HSD17B12: variants seen among roughly 807,000 people sequenced by gnomAD.
The protein encoded by HSD17B12 is hydroxysteroid 17-beta dehydrogenase 12.
In HSD17B12, 32 loss-of-function variants were observed where a neutral mutation model predicts 39.3. That is an observed-to-expected ratio of 0.81 (90% CI 0.61 to 1.09). The LOEUF is 1.09. Ranked by LOEUF, HSD17B12 falls within the 50% of genes least tolerant of loss-of-function variation. The probability of loss-of-function intolerance (pLI) is 0.00; values close to 1 mark genes in which losing one functional copy is unlikely to be tolerated. For synonymous variants in HSD17B12, 150 were observed against 146.7 expected, an observed-to-expected ratio of 1.02 and a Z score of -0.16; for missense variants, 342 against 382.9, an observed-to-expected ratio of 0.89 and a Z score of 0.89.
At chr11:43,577,192 C>T in the HSD17B12 span, among the ~76,000 whole-genome samples, 1 of 152,194 alleles carries the variant, frequency 6.6e-6, no homozygotes, top group Non-Finnish European at 1.5e-5. Context: ...CCTTGGTCCT[C>T]AGTGAGTTCA....
intron 1 of HSD17B12, among the ~76,000 whole-genome samples, chr11:43,686,727 G>A (rs1949803816): frequency 6.6e-6 from 1 of 151,422 alleles, no homozygotes; most frequent in Non-Finnish European, 1.5e-5. Context: ...TAGGCTTATT[G>A]TGAAGGGTAA....
chr11:43,616,413 A>AAAAC, the HSD17B12 span, among the ~76,000 whole-genome samples: 1 of 134,818 alleles, frequency 7.4e-6, no homozygotes, highest in Non-Finnish European at 1.5e-5. Flanking sequence ...CATCTAAAAA[A>AAAAC]AAAACAAAAA....
intron 3 of HSD17B12, among the ~76,000 whole-genome samples, chr11:43,782,674 C>CAA (rs35805476): frequency 0.029 from 3,061 of 104,208 alleles, 53 homozygotes; most frequent in Non-Finnish European, 0.04. Flanking sequence ...GACTCTGTCT[C>CAA]AAAAAAAAAA....
At chr11:43,667,661 A>T in the HSD17B12 span, among the ~76,000 whole-genome samples, 1 of 152,210 alleles carries the variant, frequency 6.6e-6, no homozygotes, top group East Asian at 1.9e-4. Flanking sequence ...AAATTCATTC[A>T]TGTTTCATAT....
At chr11:43,615,472 G>C in the HSD17B12 span, among the ~76,000 whole-genome samples, 5 of 152,078 alleles carry the variant, frequency 3.3e-5, no homozygotes, top group Non-Finnish European at 7.4e-5. Context: ...CTTTCTCTCT[G>C]GTGCCCAATA....
At chr11:43,723,682 G>A (rs931037477) in intron 1 of HSD17B12, among the ~76,000 whole-genome samples, 3 of 152,090 alleles carry the variant, frequency 2.0e-5, no homozygotes, top group South Asian at 4.1e-4. Context: ...CTAACAAAAC[G>A]TTCAGTTTTT....
At chr11:43,765,864 C>A (rs1466101496) in intron 3 of HSD17B12, among the ~76,000 whole-genome samples, 2 of 152,160 alleles carry the variant, frequency 1.3e-5, no homozygotes, top group Non-Finnish European at 2.9e-5. Flanking sequence ...GACGGAGTCT[C>A]ACTCTTTTGC....
intron 4 of HSD17B12, among the ~76,000 whole-genome samples, chr11:43,814,198 G>A (rs1951100022): frequency 6.6e-6 from 1 of 151,824 alleles, no homozygotes; most frequent in Non-Finnish European, 1.5e-5. Flanking sequence ...CTGGATAAAG[G>A]TGTGTGAAGG....
the HSD17B12 span, among the ~76,000 whole-genome samples, chr11:43,660,945 C>T: frequency 3.3e-5 from 5 of 151,992 alleles, no homozygotes; most frequent in African/African-American, 9.7e-5. Context: ...ACCAACATGG[C>T]GAAACCCCGT....
At chr11:43,600,932 C>T in the HSD17B12 span, among the ~76,000 whole-genome samples, 9 of 151,558 alleles carry the variant, frequency 5.9e-5, no homozygotes, top group South Asian at 2.1e-4. Context: ...TTAAAGATAC[C>T]GGTTGTTATT....
the HSD17B12 span, among the ~76,000 whole-genome samples, chr11:43,577,805 C>T: frequency 6.6e-6 from 1 of 152,182 alleles, no homozygotes; most frequent in Non-Finnish European, 1.5e-5. Context: ...GGGAACATCG[C>T]GGGGCGCCTT....
At chr11:43,582,180 G>T in the HSD17B12 span, among the ~76,000 whole-genome samples, 6 of 152,302 alleles carry the variant, frequency 3.9e-5, no homozygotes, top group Admixed American at 2.0e-4. Context: ...AGCACGGAAG[G>T]GGGTAAAACA....
At chr11:43,590,574 G>A in the HSD17B12 span, among the ~76,000 whole-genome samples, 1 of 124,432 alleles carries the variant, frequency 8.0e-6, no homozygotes, top group Admixed American at 1.0e-4. Context: ...CTGCGATCTT[G>A]GGTCACTGCA....
At chr11:43,603,073 A>G in the HSD17B12 span, among the ~76,000 whole-genome samples, 5 of 152,240 alleles carry the variant, frequency 3.3e-5, no homozygotes, top group East Asian at 5.8e-4. Flanking sequence ...AATGTTGCAG[A>G]ATAGTTGCAC....
At chr11:43,680,692 G>A, upstream of HSD17B12, 1 of 774,114 alleles carries the variant, frequency 1.3e-6, no homozygotes, top group East Asian at 2.5e-5. Flanking sequence ...ATGGCCCCGC[G>A]GGCGGGGTTT....
the HSD17B12 span, chr11:43,641,003 ATTCTTTTAAAGGTGAAACTTTTC>A: frequency 6.6e-6 from 1 of 151,862 alleles, no homozygotes; most frequent in African/African-American, 2.4e-5. Flanking sequence ...TTTTTTGGAT[ATTCTTTTAAAGGTGAAACTTTTC>A]TTCTTTAGGT....
At chr11:43,688,039 A>G (rs529528149) in intron 1 of HSD17B12, among the ~76,000 whole-genome samples, 4 of 152,156 alleles carry the variant, frequency 2.6e-5, no homozygotes, top group African/African-American at 4.8e-5. Flanking sequence ...TGGCAAAACC[A>G]CATCTCTACT....
chr11:43,748,741 C>T (rs1950439352), intron 1 of HSD17B12, among the ~76,000 whole-genome samples: 1 of 152,086 alleles, frequency 6.6e-6, no homozygotes, highest in South Asian at 2.1e-4. Flanking sequence ...CTAATGTTTC[C>T]TATAAACAGG....
At chr11:43,613,119 C>A in the HSD17B12 span, among the ~76,000 whole-genome samples, 1 of 152,094 alleles carries the variant, frequency 6.6e-6, no homozygotes, top group Non-Finnish European at 1.5e-5. Flanking sequence ...GAATGATATT[C>A]TTGGCCGGGC....
Sources: gnomAD v4.1 joint callset for allele counts (sites outside exome capture counted in the v4.1 genomes callset) on GRCh38, gnomAD v4.1.1 for gene constraint, MANE v1.5 for transcripts, NCBI Gene and HGNC (gene_info 2026-07-23, HGNC 2026-07-21) for gene names.